GPC5: variants seen among roughly 807,000 people sequenced by gnomAD.
GPC5 encodes the protein glypican-5.
A neutral mutation model predicts 53.9 loss-of-function variants in GPC5; 47 were observed. That is an observed-to-expected ratio of 0.87 (90% CI 0.69 to 1.11). The LOEUF is 1.11. Among genes scored for constraint, GPC5 ranks in the 50% most tolerant of loss-of-function variants. The pLI, the probability that GPC5 is intolerant of heterozygous loss-of-function variation, is 0.00. For synonymous variants in GPC5, 286 were observed against 263.3 expected (o/e 1.09, Z -0.84); for missense variants, 748 against 713.1 (o/e 1.05, Z -0.56).
intron 4 of GPC5, among the ~76,000 whole-genome samples, chr13:91,737,170 ATC>A (rs2036834647): frequency 6.6e-6 from 1 of 151,282 alleles, no homozygotes; most frequent in Non-Finnish European, 1.5e-5. Flanking sequence ...ATTTCCTGGA[ATC>A]TCCTGTTTTT....
At chr13:91,405,724 C>G (rs1208063310) in intron 1 of GPC5, among the ~76,000 whole-genome samples, 1 of 152,176 alleles carries the variant, frequency 6.6e-6, no homozygotes. Context: ...CAGGATCCTA[C>G]ACTCCAATGA....
At chr13:92,194,175 T>A (rs1202482844) in intron 7 of GPC5, among the ~76,000 whole-genome samples, 3 of 152,208 alleles carry the variant, frequency 2.0e-5, no homozygotes, top group Non-Finnish European at 4.4e-5. Flanking sequence ...TACAGATTAT[T>A]ATCCTCATTT....
intron 7 of GPC5, among the ~76,000 whole-genome samples, chr13:92,187,528 A>G (rs566733827): frequency 1.6e-4 from 24 of 152,280 alleles, no homozygotes; most frequent in Admixed American, 5.2e-4. Context: ...CTGGATTCCA[A>G]TGTTCAAGGT....
chr13:91,453,891 G>T (rs1187154204), intron 2 of GPC5, among the ~76,000 whole-genome samples: 1 of 152,026 alleles, frequency 6.6e-6, no homozygotes, highest in African/African-American at 2.4e-5. Flanking sequence ...ATTGTACACA[G>T]TGTCAAAATG....
chr13:92,328,604 G>A (rs2139232632), intron 7 of GPC5, among the ~76,000 whole-genome samples: 1 of 152,150 alleles, frequency 6.6e-6, no homozygotes, highest in East Asian at 1.9e-4. Flanking sequence ...TACCAGAGAT[G>A]GTGCTCCTTA....
At chr13:92,085,004 T>C (rs1248278723) in intron 6 of GPC5, among the ~76,000 whole-genome samples, 1 of 152,216 alleles carries the variant, frequency 6.6e-6, no homozygotes, top group Non-Finnish European at 1.5e-5. Flanking sequence ...TGGCGACTTC[T>C]GTGTGTCCTT....
chr13:91,999,011 G>A (rs1233521534), intron 6 of GPC5, among the ~76,000 whole-genome samples: 3 of 152,028 alleles, frequency 2.0e-5, no homozygotes, highest in African/African-American at 7.2e-5. Context: ...TATAATTCTA[G>A]CTCAATAGGC....
intron 2 of GPC5, among the ~76,000 whole-genome samples, chr13:91,465,456 T>C (rs554023767): frequency 6.6e-6 from 1 of 152,294 alleles, no homozygotes; most frequent in Admixed American, 6.5e-5. Context: ...ACTTAAGTAC[T>C]ACAGTTTTTT....
intron 5 of GPC5, among the ~76,000 whole-genome samples, chr13:91,775,706 A>C (rs2037700218): frequency 6.6e-6 from 1 of 152,154 alleles, no homozygotes; most frequent in South Asian, 2.1e-4. Context: ...TTTCTCTGGC[A>C]TCCCTTACAC....
chr13:92,135,514 G>A (rs1314535156), intron 6 of GPC5, among the ~76,000 whole-genome samples: 2 of 152,166 alleles, frequency 1.3e-5, no homozygotes, highest in African/African-American at 2.4e-5. Context: ...CTTAGAAGGT[G>A]GAACTGGCCA....
intron 2 of GPC5, among the ~76,000 whole-genome samples, chr13:91,654,928 AAC>A (rs2034809840): frequency 6.6e-6 from 1 of 152,190 alleles, no homozygotes; most frequent in Non-Finnish European, 1.5e-5. Flanking sequence ...TTGTATCTGT[AAC>A]ACAGTATTGC....
chr13:91,430,356 C>T (rs1471638893), intron 1 of GPC5, among the ~76,000 whole-genome samples: 1 of 152,218 alleles, frequency 6.6e-6, no homozygotes, highest in Non-Finnish European at 1.5e-5. Flanking sequence ...TCCTAGTTGG[C>T]TTAAACCAGT....
intron 2 of GPC5, among the ~76,000 whole-genome samples, chr13:91,544,782 C>T (rs894963056): frequency 2.7e-4 from 41 of 152,144 alleles, no homozygotes; most frequent in African/African-American, 9.2e-4. Context: ...TTTATTATCT[C>T]GCAATTTCTG....
chr13:92,585,405 AG>A (rs1883506651), intron 7 of GPC5, among the ~76,000 whole-genome samples: 1 of 152,208 alleles, frequency 6.6e-6, no homozygotes, highest in Non-Finnish European at 1.5e-5. Flanking sequence ...TGGGGCCTGT[AG>A]CCCCTTTGTT....
intron 3 of GPC5, among the ~76,000 whole-genome samples, chr13:91,721,492 T>C (rs1213401637): frequency 6.6e-6 from 1 of 152,208 alleles, no homozygotes; most frequent in East Asian, 1.9e-4. Context: ...GCCAGTGTGA[T>C]ATTTTTTTTG....
chr13:91,441,719 C>G (rs1880446588), intron 1 of GPC5, among the ~76,000 whole-genome samples: 1 of 152,172 alleles, frequency 6.6e-6, no homozygotes, highest in African/African-American at 2.4e-5. Flanking sequence ...GTGTCTCAGT[C>G]AAAACCCTTC....
chr13:92,621,840 C>A (rs777577674), intron 7 of GPC5, among the ~76,000 whole-genome samples: 17 of 152,152 alleles, frequency 1.1e-4, no homozygotes, highest in Non-Finnish European at 2.4e-4. Flanking sequence ...ATAAATATTT[C>A]TGCACTCTCC....
chr13:91,822,815 T>G (rs1057395599), intron 5 of GPC5, among the ~76,000 whole-genome samples: 4 of 152,136 alleles, frequency 2.6e-5, no homozygotes, highest in Non-Finnish European at 5.9e-5. Context: ...AACTAGTATG[T>G]TCCTGCACTC....
At chr13:91,870,863 C>T (rs2039136551) in intron 5 of GPC5, among the ~76,000 whole-genome samples, 1 of 152,112 alleles carries the variant, frequency 6.6e-6, no homozygotes, top group African/African-American at 2.4e-5. Context: ...GAAGGAAATA[C>T]AGGTTGAATA....
Sources: gnomAD v4.1 joint callset for allele counts (sites outside exome capture counted in the v4.1 genomes callset) on GRCh38, gnomAD v4.1.1 for gene constraint, MANE v1.5 for transcripts, NCBI Gene and HGNC (gene_info 2026-07-23, HGNC 2026-07-21) for gene names.